The following FBXO17 variants were observed in gnomAD, a reference collection of about 807,000 sequenced individuals.
The protein encoded by FBXO17 is F-box protein 17.
A neutral mutation model predicts 34.1 loss-of-function variants in FBXO17; 43 were observed. The observed-to-expected ratio is 1.26, with a 90% CI of 0.99 to 1.62. The LOEUF is 1.62. Among genes scored for constraint, FBXO17 ranks in the 40% most tolerant of loss-of-function variants. The pLI, the probability that FBXO17 is intolerant of heterozygous loss-of-function variation, is 0.00. For synonymous variants in FBXO17, 169 were observed against 166.0 expected, an observed-to-expected ratio of 1.02 and a Z score of -0.14; for missense variants, 424 against 386.7, an observed-to-expected ratio of 1.10 and a Z score of -0.81.
intron 2 of FBXO17, chr19:38,949,699 A>C: frequency 5.4e-6 from 3 of 560,292 alleles, no homozygotes; most frequent in Middle Eastern, 9.3e-4. Context: ...CCTGTTCTGC[A>C]TCCCCTCTGC....
At chr19:38,948,446 A>G in intron 3 of FBXO17, 121 bp downstream of exon 3, 1 of 691,640 alleles carries the variant, frequency 1.4e-6, no homozygotes, top group Non-Finnish European at 2.5e-6. Flanking sequence ...GAATGAATCA[A>G]TGAATAAATA....
intron 1 of FBXO17, among the ~76,000 whole-genome samples, chr19:38,969,078 A>C (rs1237241365): frequency 6.6e-6 from 1 of 152,168 alleles, no homozygotes; most frequent in Non-Finnish European, 1.5e-5. Flanking sequence ...AAACACAGCA[A>C]ACTTTGCAAT....
intron 2 of FBXO17, 179 bp downstream of exon 2, chr19:38,949,792 A>C (rs1600191141): frequency 1.3e-6 from 1 of 760,680 alleles, no homozygotes; most frequent in East Asian, 3.0e-5. Flanking sequence ...TCCCGGCTTC[A>C]CCTTCTCCAG....
intron 2 of FBXO17, among the ~76,000 whole-genome samples, chr19:38,949,395 T>A (rs1975036241): frequency 6.6e-6 from 1 of 151,402 alleles, no homozygotes; most frequent in African/African-American, 2.4e-5. Flanking sequence ...CCACTGCGCC[T>A]GGACTAATTT....
chr19:38,970,351 G>A (rs936002555), intron 1 of FBXO17, among the ~76,000 whole-genome samples: 1 of 151,960 alleles, frequency 6.6e-6, no homozygotes, highest in Non-Finnish European at 1.5e-5. Context: ...GGGACCACAG[G>A]CACACACCAC....
In FBXO17 at chr19:38,950,335, T is replaced by C; in HGVS notation, c.-16A>G. On this transcript the variant is annotated splice_region_variant and 5_prime_UTR_variant, in exon 2 of 6. Transcript: ENST00000292852. ...GGGCGCCCATCTCCAGTAGCCAGAG[T>C]CCTGCAGGTCGAGAGGGGTCGGTAG... 7.1e-7 allele frequency: 1 copy of C among 1,412,584 alleles called. No homozygotes were observed. Among genetic ancestry groups the C allele is most frequent in the Non-Finnish European group, 9.2e-7 (1 of 1,091,994 alleles). 87.5% of individuals were successfully genotyped at this position (1,412,584 alleles called of 1,614,324 possible).
At chr19:38,965,823 G>T (rs532231296) in intron 1 of FBXO17, among the ~76,000 whole-genome samples, 1 of 151,704 alleles carries the variant, frequency 6.6e-6, no homozygotes, top group East Asian at 2.0e-4. Context: ...TATATTTTTA[G>T]TAGAGACGGG....
chr19:38,974,309 C>T (rs1453399642), intron 1 of FBXO17, among the ~76,000 whole-genome samples: 1 of 151,788 alleles, frequency 6.6e-6, no homozygotes, highest in Admixed American at 6.6e-5. Context: ...AATTCCTGAC[C>T]TCAGGTGATC....
At chr19:38,954,721 A>G (rs1975138038) in intron 1 of FBXO17, among the ~76,000 whole-genome samples, 1 of 147,532 alleles carries the variant, frequency 6.8e-6, no homozygotes. Context: ...CTGGGATTAT[A>G]GGCGCCCGCC....
At chr19:38,953,761 A>C (rs1428443487) in intron 1 of FBXO17, among the ~76,000 whole-genome samples, 4 of 152,102 alleles carry the variant, frequency 2.6e-5, no homozygotes, top group Non-Finnish European at 5.9e-5. Context: ...GCATGGGGGA[A>C]ACTGAATGAG....
intron 1 of FBXO17, among the ~76,000 whole-genome samples, chr19:38,973,964 C>T: frequency 6.8e-6 from 1 of 147,072 alleles, no homozygotes; most frequent in East Asian, 2.0e-4. Context: ...GCCTGGGCAA[C>T]ACAGTTTTGA....
In FBXO17 at chr19:38,955,491, T is replaced by C. The variant is rs1010289168; in HGVS notation, c.-17-5155A>G. Among the ~76,000 whole-genome samples, 503 of 150,498 alleles carry C rather than the reference T, an allele frequency of 3.3e-3. 5 individuals carry two copies. The highest frequency in any genetic ancestry group is 0.012 in the African/African-American group (491 of 41,228). On this transcript the variant is annotated intron_variant, in intron 1 of 5. Transcript: ENST00000292852. ...AAAACATTTTCTTTCTTTCTTTTTT[T>C]TTTTTTTTTTGAGACAGAGTCTCCC...
At chr19:38,966,675 T>C (rs531236091) in intron 1 of FBXO17, among the ~76,000 whole-genome samples, 2 of 152,196 alleles carry the variant, frequency 1.3e-5, no homozygotes, top group African/African-American at 4.8e-5. Context: ...ATTAAAGCTA[T>C]GAGAAATTCT....
intron 5 of FBXO17, among the ~76,000 whole-genome samples, chr19:38,944,373 G>A (rs1974940851): frequency 6.6e-6 from 1 of 152,008 alleles, no homozygotes; most frequent in South Asian, 2.1e-4. Context: ...CTCCTGAGTA[G>A]CTGAGACTGC....
chr19:38,970,276 T>C (rs1201460185), intron 1 of FBXO17, among the ~76,000 whole-genome samples: 3 of 151,874 alleles, frequency 2.0e-5, no homozygotes, highest in Non-Finnish European at 4.4e-5. Context: ...GCCACGATCA[T>C]AGCTCACTGC....
chr19:38,973,032 C>T (rs1411950584), intron 1 of FBXO17, among the ~76,000 whole-genome samples: 4 of 152,264 alleles, frequency 2.6e-5, no homozygotes, highest in South Asian at 2.1e-4. Context: ...ACCGGCCTGG[C>T]GGCCTTGATG....
intron 4 of FBXO17, 148 bp downstream of exon 4, chr19:38,946,324 T>TGCATCACTTCCCCTCTCAGCC: frequency 7.5e-7 from 1 of 1,328,238 alleles, no homozygotes; most frequent in Non-Finnish European, 1.0e-6. Flanking sequence ...TCCCCGGCTC[T>TGCATCACTTCCCCTCTCAGCC]GCATCACTTC....
intron 3 of FBXO17, 95 bp from the exon 4 acceptor site, chr19:38,946,662 CCT>C (rs1250281699): frequency 6.5e-7 from 1 of 1,535,358 alleles, no homozygotes; most frequent in Non-Finnish European, 8.8e-7. Flanking sequence ...CCTTGATAAC[CCT>C]CTCTAAAGCA....
chr19:38,949,984 G>C lies in FBXO17; in HGVS notation c.336C>G (p.Asn112Lys). ...CCCGTCACCCACGCTCTCCGCAGGA[G>C]TTGAAGATGAGATTGCGGCCGAAGG... ...RAPFGRNLIF[N>K]SCGEQGFRGW... is the part of the protein sequence containing the mutation. Residue 112 changes from asparagine to lysine, a missense_variant, in exon 2 of 6, where the codon AAC (asparagine) becomes AAG (lysine). By Grantham distance (94) the Asn-to-Lys change is moderately conservative. Coordinates refer to ENST00000292852, the MANE Select transcript of FBXO17 (RefSeq NM_024907.7). 1 of 1,547,004 alleles carries C rather than the reference G, an allele frequency of 6.5e-7. No homozygotes were observed. The highest frequency in any genetic ancestry group is 8.7e-7 in the Non-Finnish European group (1 of 1,147,826).
Sources: allele counts gnomAD v4.1 joint callset (sites outside exome capture counted in the v4.1 genomes callset), GRCh38; gene constraint gnomAD v4.1.1; transcripts MANE v1.5; gene names NCBI Gene and HGNC (gene_info 2026-07-23, HGNC 2026-07-21).